DCDC1: variants seen among roughly 807,000 people sequenced by gnomAD.
The protein encoded by DCDC1 is doublecortin domain-containing protein 1.
A neutral mutation model predicts 178.3 loss-of-function variants in DCDC1; 200 were observed. The observed-to-expected ratio is 1.12, with a 90% CI of 1.00 to 1.26. The LOEUF (loss-of-function observed/expected upper bound fraction) is 1.26, where lower values mean the gene tolerates loss of function less well. Among genes scored for constraint, DCDC1 ranks in the 50% most tolerant of loss-of-function variants. The pLI, the probability that DCDC1 is intolerant of heterozygous loss-of-function variation, is 0.00. For synonymous variants in DCDC1, 690 were observed against 604.8 expected (o/e 1.14, Z -2.07); for missense variants, 1,983 against 1,749.2 (o/e 1.13, Z -2.38).
At chr11:30,926,570 TA>T (rs928689956) in intron 22 of DCDC1, among the ~76,000 whole-genome samples, 2 of 152,198 alleles carry the variant, frequency 1.3e-5, no homozygotes, top group Admixed American at 6.5e-5. Flanking sequence ...GAGCATTTTC[TA>T]AACAATACTG....
In DCDC1 at chr11:30,864,280, A is replaced by C. The variant is rs1398094798; in HGVS notation, c.*1093T>G. The C allele has an allele frequency of 6.6e-6, 1 of 152,234 alleles. No individual in the cohort carries two copies. The highest frequency in any genetic ancestry group is 1.5e-5 in the Non-Finnish European group (1 of 68,042). The allele number at this position is 152,234 out of a possible 1,614,324, so 9.4% of individuals were successfully genotyped here. On this transcript the variant is annotated 3_prime_UTR_variant, in exon 39 of 39. Coordinates refer to ENST00000684477, the MANE Select transcript of DCDC1 (RefSeq NM_001387274.1). ...AATTCATCTATAAGTAATTTCACAT[A>C]ACTTTTGGATGTTTCTTCAAACTTG...
At chr11:30,919,572 A>G (rs1946096701) in intron 25 of DCDC1, among the ~76,000 whole-genome samples, 1 of 152,192 alleles carries the variant, frequency 6.6e-6, no homozygotes, top group Non-Finnish European at 1.5e-5. Context: ...AGGGGATGTG[A>G]AAGTTCGTGG....
intron 9 of DCDC1, among the ~76,000 whole-genome samples, chr11:31,201,071 C>A (rs1971238131): frequency 6.6e-6 from 1 of 152,080 alleles, no homozygotes; most frequent in Non-Finnish European, 1.5e-5. Flanking sequence ...CTCCATTAGA[C>A]TTTAAGCTTC....
intron 9 of DCDC1, among the ~76,000 whole-genome samples, chr11:31,240,529 GAT>G: frequency 6.6e-6 from 1 of 152,028 alleles, no homozygotes; most frequent in Non-Finnish European, 1.5e-5. Context: ...CACTAAGACT[GAT>G]AGCCCATTCC....
At chr11:31,226,744 A>G (rs1395441403) in intron 9 of DCDC1, among the ~76,000 whole-genome samples, 1 of 151,518 alleles carries the variant, frequency 6.6e-6, no homozygotes, top group African/African-American at 2.4e-5. Flanking sequence ...AACAAAAGAC[A>G]TTAAAAGAAG....
chr11:31,045,608 G>A (rs1347883320), intron 20 of DCDC1, among the ~76,000 whole-genome samples: 2 of 152,108 alleles, frequency 1.3e-5, no homozygotes, highest in African/African-American at 2.4e-5. Flanking sequence ...TAAGTTTAGA[G>A]AAACACTTGC....
At chr11:31,088,092 T>A (rs1028662081) in intron 17 of DCDC1, among the ~76,000 whole-genome samples, 3 of 152,106 alleles carry the variant, frequency 2.0e-5, no homozygotes, top group Non-Finnish European at 4.4e-5. Context: ...ATATTCTTTT[T>A]ACTGACGTCT....
intron 9 of DCDC1, among the ~76,000 whole-genome samples, chr11:31,194,519 A>G (rs1276291997): frequency 6.6e-6 from 1 of 152,134 alleles, no homozygotes. Flanking sequence ...ATATTTTTAC[A>G]TAACTGAGAC....
At chr11:31,062,900 C>A (rs1000185286) in intron 20 of DCDC1, among the ~76,000 whole-genome samples, 2 of 149,460 alleles carry the variant, frequency 1.3e-5, no homozygotes, top group African/African-American at 4.9e-5. Context: ...CACCCATTAA[C>A]TCGTCATTTA....
intron 9 of DCDC1, among the ~76,000 whole-genome samples, chr11:31,237,808 C>G (rs946900343): frequency 2.5e-4 from 38 of 151,982 alleles, no homozygotes; most frequent in African/African-American, 8.7e-4. Context: ...TAATATCAAA[C>G]AATCATTTTA....
intron 7 of DCDC1, among the ~76,000 whole-genome samples, chr11:31,286,710 G>A (rs1946865186): frequency 6.6e-6 from 1 of 151,888 alleles, no homozygotes; most frequent in African/African-American, 2.4e-5. Flanking sequence ...TGAGATATCA[G>A]GTACCTCTAA....
At chr11:31,266,509 A>G (rs1945173678) in intron 7 of DCDC1, among the ~76,000 whole-genome samples, 1 of 152,240 alleles carries the variant, frequency 6.6e-6, no homozygotes. Flanking sequence ...TCATCTAAAA[A>G]TATAAAATAT....
intron 20 of DCDC1, among the ~76,000 whole-genome samples, chr11:31,008,486 G>A (rs1043424742): frequency 2.0e-5 from 3 of 152,156 alleles, no homozygotes; most frequent in African/African-American, 7.2e-5. Flanking sequence ...AGCACCTGTC[G>A]CAATGCTGAG....
At chr11:30,915,021 T>C (rs1178173121) in intron 27 of DCDC1, among the ~76,000 whole-genome samples, 1 of 152,190 alleles carries the variant, frequency 6.6e-6, no homozygotes, top group Non-Finnish European at 1.5e-5. Flanking sequence ...TAGGTTGATA[T>C]ATTTGCTAAG....
chr11:31,094,154 C>T lies in DCDC1; in HGVS notation c.2014G>A (p.Val672Ile). The change falls in exon 16 of 39, where the codon GTT (valine) becomes ATT (isoleucine). Residue 672 changes from valine (V) to isoleucine (I), a missense_variant. Transcript: ENST00000684477. ...VDPNIVLHAS[V>I]SIGKWSFSGS... is the part of the protein sequence containing the mutation. The stretch of plus-strand genomic sequence containing the variant: ...GAGAAACTCCACTTTCCAATGGAAA[C>T]AGAGGCATGAAGGACAATATTGGGA... 1 of 766,216 alleles carries T rather than the reference C, an allele frequency of 1.3e-6. No homozygotes were observed. The highest frequency in any genetic ancestry group is 2.4e-6 in the Non-Finnish European group (1 of 417,804). The allele number at this position is 766,216 out of a possible 1,614,324, so 47.5% of individuals were successfully genotyped here. A position where few individuals can be genotyped will look rare whatever the true frequency, so the allele number is the denominator to read the frequency against.
chr11:31,310,982 C>T (rs1169013109), intron 3 of DCDC1, among the ~76,000 whole-genome samples: 1 of 152,174 alleles, frequency 6.6e-6, no homozygotes, highest in Non-Finnish European at 1.5e-5. Context: ...CTCAGCACCT[C>T]CTATCTCCTT....
intron 8 of DCDC1, among the ~76,000 whole-genome samples, chr11:31,248,102 T>C (rs184852626): frequency 1.2e-4 from 19 of 152,200 alleles, no homozygotes; most frequent in African/African-American, 4.1e-4. Context: ...GAGTTAGTTT[T>C]AGGGAGGATA....
intron 1 of DCDC1, among the ~76,000 whole-genome samples, chr11:31,356,163 A>G (rs1951346102): frequency 6.6e-6 from 1 of 152,156 alleles, no homozygotes; most frequent in Non-Finnish European, 1.5e-5. Context: ...CAACAACAAC[A>G]AAAAAAGAAC....
intron 9 of DCDC1, among the ~76,000 whole-genome samples, chr11:31,210,554 T>C (rs146980751): frequency 6.6e-6 from 1 of 151,426 alleles, no homozygotes; most frequent in Non-Finnish European, 1.5e-5. Context: ...CTATTAAAAA[T>C]TCAAAAATTA....
Sources: gnomAD v4.1 joint callset for allele counts (sites outside exome capture counted in the v4.1 genomes callset) on GRCh38, gnomAD v4.1.1 for gene constraint, MANE v1.5 for transcripts, NCBI Gene and HGNC (gene_info 2026-07-23, HGNC 2026-07-21) for gene names.